MKNK1: variants seen among roughly 807,000 people sequenced by gnomAD.
MKNK1 encodes MAPK interacting serine/threonine kinase 1.
MKNK1 carries 30 observed loss-of-function variants against 49.3 expected under a neutral mutation model. The ratio of observed to expected loss-of-function variants is 0.61; its 90% CI spans 0.46 to 0.83. The LOEUF (loss-of-function observed/expected upper bound fraction) is 0.83. Ranked by LOEUF, MKNK1 falls within the 40% of genes least tolerant of loss-of-function variation. The pLI is 0.00. For missense variants in MKNK1, 423 were observed against 524.7 expected (o/e 0.81, Z 1.89); for synonymous variants, 176 against 201.7 (o/e 0.87, Z 1.08).
At chr1:46,586,527 C>A (rs1007220989) in intron 2 of MKNK1, among the ~76,000 whole-genome samples, 1 of 152,152 alleles carries the variant, frequency 6.6e-6, no homozygotes, top group African/African-American at 2.4e-5. Flanking sequence ...ACTTGTTTCT[C>A]CTACAGATCA....
intron 4 of MKNK1, among the ~76,000 whole-genome samples, chr1:46,578,208 C>G (rs1001820121): frequency 6.6e-6 from 1 of 152,222 alleles, no homozygotes; most frequent in African/African-American, 2.4e-5. Flanking sequence ...GGACAACTAT[C>G]TGGGGAGTCA....
intron 9 of MKNK1, among the ~76,000 whole-genome samples, chr1:46,564,460 T>C (rs1333641847): frequency 8.6e-6 from 1 of 116,280 alleles, no homozygotes; most frequent in East Asian, 2.6e-4. Context: ...CTGTGTTTTT[T>C]TTATTGTTTT....
chr1:46,558,402 AG>A lies in MKNK1; in HGVS notation c.*172del. On this transcript the variant is annotated 3_prime_UTR_variant, in exon 13 of 13. Transcript: ENST00000371945. ...CCCTTTGGAAAAAGCTTTTTCCTCCAGGACCCTAGGGAAATGGGGGTTGATG... is the reference window on the plus strand; with the variant it reads ...CCCTTTGGAAAAAGCTTTTTCCTCCAGACCCTAGGGAAATGGGGGTTGATG... The A allele has an allele frequency of 1.6e-6, 1 of 633,210 alleles. No homozygotes were observed. Among genetic ancestry groups the A allele is most frequent in the Non-Finnish European group, 2.6e-6 (1 of 386,428 alleles). The allele number at this position is 633,210 out of a possible 1,614,324, so 39.2% of individuals were successfully genotyped here. A position where few individuals can be genotyped will look rare whatever the true frequency, so the allele number is the denominator to read the frequency against.
chr1:46,585,979 G>C (rs1277402404), intron 2 of MKNK1: 2 of 1,325,024 alleles, frequency 1.5e-6, no homozygotes, highest in South Asian at 2.3e-5. Flanking sequence ...CTGAAACTAG[G>C]AAGGAAAAAA....
chr1:46,562,862 G>C lies in MKNK1; in HGVS notation c.610-19C>G. 9.4e-6 allele frequency: 15 copies of C among 1,588,814 alleles called. No individual in the cohort carries two copies. The highest frequency in any genetic ancestry group is 1.2e-5 in the Non-Finnish European group (14 of 1,167,208). ...AGCCACACTGTGGGGGCCAGGGTTGGGGGAGGGGGAGATGGCAGAGAACAG... is the reference window on the plus strand; with the variant it reads ...AGCCACACTGTGGGGGCCAGGGTTGCGGGAGGGGGAGATGGCAGAGAACAG... On this transcript the variant is annotated intron_variant, in intron 9 of 12. Transcript: ENST00000371945.
intron 2 of MKNK1, among the ~76,000 whole-genome samples, chr1:46,591,590 C>T (rs982320941): frequency 8.6e-5 from 13 of 151,988 alleles, no homozygotes; most frequent in Admixed American, 2.0e-4. Context: ...TGGGGAGCAG[C>T]GTGTAGAAAG....
At chr1:46,561,823 TA>T in intron 10 of MKNK1, 181 bp from the exon 11 acceptor site, 1 of 657,060 alleles carries the variant, frequency 1.5e-6, no homozygotes, top group Non-Finnish European at 2.5e-6. Context: ...ATGATCAAAC[TA>T]TATAGAATGC....
intron 8 of MKNK1, among the ~76,000 whole-genome samples, chr1:46,567,745 G>C (rs974346005): frequency 6.6e-6 from 1 of 152,188 alleles, no homozygotes; most frequent in African/African-American, 2.4e-5. Flanking sequence ...AACACCACCA[G>C]TGCCTAAATC....
At chr1:46,568,420 A>T in intron 8 of MKNK1, 23 bp downstream of exon 8, 2 of 1,612,140 alleles carry the variant, frequency 1.2e-6, no homozygotes, top group African/African-American at 2.7e-5. Flanking sequence ...AAACTATAAC[A>T]TTCCAAATCA....
intron 7 of MKNK1, chr1:46,570,353 T>A (rs1188199993): frequency 6.6e-6 from 1 of 152,232 alleles, no homozygotes; most frequent in Admixed American, 6.5e-5. Context: ...AGGTGTTACC[T>A]CTATGCATCC....
chr1:46,565,367 T>C, intron 8 of MKNK1: 1 of 547,066 alleles, frequency 1.8e-6, no homozygotes, highest in East Asian at 3.1e-5. Flanking sequence ...GGTGGACTAT[T>C]TGGTGTCAGA....
intron 3 of MKNK1, among the ~76,000 whole-genome samples, 177 bp from the exon 4 acceptor site, chr1:46,580,804 C>T (rs530161728): frequency 1.4e-5 from 2 of 143,978 alleles, no homozygotes; most frequent in South Asian, 4.3e-4. Context: ...CCCAGTTTCT[C>T]AACAACAAGA....
At chr1:46,597,479 C>T (rs1284149449) in intron 1 of MKNK1, among the ~76,000 whole-genome samples, 1 of 152,162 alleles carries the variant, frequency 6.6e-6, no homozygotes, top group Non-Finnish European at 1.5e-5. Context: ...TGGGTGTCCA[C>T]TGCCTCTGGA....
At chr1:46,562,430 C>T (rs555990680) in intron 10 of MKNK1, among the ~76,000 whole-genome samples, 25 of 143,122 alleles carry the variant, frequency 1.7e-4, no homozygotes, top group African/African-American at 6.4e-4. Flanking sequence ...AGAGTCAGTT[C>T]AGGCATGATC....
At chr1:46,586,040 AC>A in intron 2 of MKNK1, 1 of 744,886 alleles carries the variant, frequency 1.3e-6, no homozygotes, top group South Asian at 1.4e-5. Flanking sequence ...CCCTGGTTAC[AC>A]AGGGGGAAGC....
intron 4 of MKNK1, among the ~76,000 whole-genome samples, chr1:46,577,203 G>A (rs555906330): frequency 1.4e-4 from 22 of 152,300 alleles, no homozygotes; most frequent in African/African-American, 5.1e-4. Context: ...TTACGGCCGG[G>A]TGTGGTGACT....
intron 2 of MKNK1, among the ~76,000 whole-genome samples, chr1:46,593,163 T>C (rs1291815367): frequency 1.3e-5 from 2 of 152,108 alleles, no homozygotes; most frequent in East Asian, 1.9e-4. Flanking sequence ...ATATATATCA[T>C]ATATACGTTA....
At chr1:46,602,550 A>G (rs1674872729) in intron 1 of MKNK1, among the ~76,000 whole-genome samples, 1 of 152,128 alleles carries the variant, frequency 6.6e-6, no homozygotes, top group African/African-American at 2.4e-5. Context: ...TGGAGTCCAA[A>G]CTCTACATCC....
At chr1:46,564,815 A>G (rs1426597097) in intron 9 of MKNK1, among the ~76,000 whole-genome samples, 3 of 152,116 alleles carry the variant, frequency 2.0e-5, no homozygotes, top group Non-Finnish European at 4.4e-5. Flanking sequence ...TCATCAGCAG[A>G]GAGGACCCAA....
Sources: gnomAD v4.1 joint callset for allele counts (sites outside exome capture counted in the v4.1 genomes callset) on GRCh38, gnomAD v4.1.1 for gene constraint, MANE v1.5 for transcripts, NCBI Gene and HGNC (gene_info 2026-07-23, HGNC 2026-07-21) for gene names.